RBFOX1: variants seen among roughly 807,000 people sequenced by gnomAD.
RBFOX1 encodes the protein RNA binding fox-1 homolog 1.
Under a neutral mutation model 57.7 loss-of-function variants are expected in RBFOX1, and 8 were observed. That is an observed-to-expected ratio of 0.14 (90% CI 0.08 to 0.25). The LOEUF (loss-of-function observed/expected upper bound fraction) is 0.25. Among genes scored for constraint, RBFOX1 ranks in the 10% least tolerant of loss-of-function variants. The pLI is 1.00. For synonymous variants in RBFOX1, 326 were observed against 222.4 expected (o/e 1.47, Z -4.15); for missense variants, 611 against 548.5 (o/e 1.11, Z -1.14).
rs543566270 is a variant in RBFOX1 at position 6,554,556 on chromosome 16, C to G, written c.-63-100047C>G. Among the ~76,000 whole-genome samples the G allele has an allele frequency of 6.6e-5, 10 of 152,282 alleles. No individual in the cohort carries two copies. In the South Asian group the frequency reaches 8.3e-4, roughly 13 times the overall value. On this transcript the variant is annotated intron_variant, in intron 2 of 15. Coordinates refer to ENST00000550418, the MANE Select transcript of RBFOX1 (RefSeq NM_018723.4). The stretch of plus-strand genomic sequence containing the variant: ...GTTTATGAACTCTATCTCAATAAAA[C>G]TGGTTTTCTAAACAAGAAAACAAAA...
intron 12 of RBFOX1, among the ~76,000 whole-genome samples, chr16:7,663,054 C>T (rs766966901): frequency 6.6e-6 from 1 of 152,194 alleles, no homozygotes; most frequent in Non-Finnish European, 1.5e-5. Flanking sequence ...GGCATGGCAG[C>T]ATGAAAGAAT....
At chr16:7,227,785 A>C (rs189350854) in intron 4 of RBFOX1, among the ~76,000 whole-genome samples, 1 of 152,188 alleles carries the variant, frequency 6.6e-6, no homozygotes, top group Non-Finnish European at 1.5e-5. Context: ...TGGCAGACAC[A>C]GGAAACTCCT....
At chr16:5,820,287 G>A (rs917770331) in intron 3 of RBFOX1, among the ~76,000 whole-genome samples, 6 of 152,020 alleles carry the variant, frequency 3.9e-5, no homozygotes, top group African/African-American at 1.5e-4. Flanking sequence ...CTTTGTCTTC[G>A]GCACATCACG....
At chr16:7,311,964 A>G (rs2096321112) in intron 4 of RBFOX1, among the ~76,000 whole-genome samples, 1 of 152,222 alleles carries the variant, frequency 6.6e-6, no homozygotes, top group African/African-American at 2.4e-5. Context: ...TTGCTCCTTC[A>G]GAAAAACAGG....
intron 3 of RBFOX1, among the ~76,000 whole-genome samples, chr16:5,826,590 G>A (rs1322703218): frequency 2.0e-5 from 3 of 152,186 alleles, no homozygotes; most frequent in Non-Finnish European, 2.9e-5. Flanking sequence ...ATTTACAAAA[G>A]CAAGAGCTGG....
At chr16:7,707,947 A>AAGAT (rs2083028991) in intron 14 of RBFOX1, among the ~76,000 whole-genome samples, 1 of 152,174 alleles carries the variant, frequency 6.6e-6, no homozygotes, top group Non-Finnish European at 1.5e-5. Flanking sequence ...AGTCAGTATT[A>AAGAT]AGATAGCAGC....
At chr16:6,737,200 A>G (rs2070633513) in intron 3 of RBFOX1, among the ~76,000 whole-genome samples, 1 of 152,222 alleles carries the variant, frequency 6.6e-6, no homozygotes, top group African/African-American at 2.4e-5. Flanking sequence ...CTATAGGTCA[A>G]GCAAAAAATA....
At chr16:6,649,301 C>G (rs1052429476) in intron 2 of RBFOX1, among the ~76,000 whole-genome samples, 1 of 152,182 alleles carries the variant, frequency 6.6e-6, no homozygotes, top group Non-Finnish European at 1.5e-5. Flanking sequence ...AAATGGTATT[C>G]TGTTGTGTAT....
intron 1 of RBFOX1, among the ~76,000 whole-genome samples, chr16:6,270,692 A>T (rs1383619928): frequency 6.6e-6 from 1 of 150,588 alleles, no homozygotes; most frequent in Non-Finnish European, 1.5e-5. Context: ...AATCAGAAGG[A>T]TAAAGAACAA....
At chr16:7,041,458 C>T (rs143549644) in intron 3 of RBFOX1, among the ~76,000 whole-genome samples, 9 of 152,234 alleles carry the variant, frequency 5.9e-5, no homozygotes, top group African/African-American at 2.2e-4. Context: ...TACTTGTGGA[C>T]ATTGGCATTC....
intron 2 of RBFOX1, among the ~76,000 whole-genome samples, chr16:5,524,424 G>T (rs2044152568): frequency 1.3e-5 from 2 of 152,180 alleles, no homozygotes; most frequent in African/African-American, 2.4e-5. Flanking sequence ...GTCTGAATTT[G>T]TGAGTAGTGC....
At chr16:7,473,961 C>T (rs117322036) in intron 4 of RBFOX1, among the ~76,000 whole-genome samples, 140 of 152,220 alleles carry the variant, frequency 9.2e-4, no homozygotes, top group African/African-American at 2.2e-3. Flanking sequence ...GCAATCGAGA[C>T]GTTATTTAAA....
intron 3 of RBFOX1, among the ~76,000 whole-genome samples, chr16:6,799,496 A>AT (rs1285790544): frequency 1.3e-5 from 2 of 152,064 alleles, no homozygotes; most frequent in African/African-American, 2.4e-5. Flanking sequence ...ACTTGATTGG[A>AT]TTGAAGGATG....
chr16:5,498,311 A>G lies in RBFOX1; in HGVS notation c.258+31057A>G, dbSNP rs560858335. On this transcript the variant is annotated intron_variant, in intron 2 of 2. Transcript: ENST00000585867. The stretch of plus-strand genomic sequence containing the variant: ...GCATGCACTACCACGCCCAGCTAAT[A>G]TTTTGTATTTTTAGTAGAGACAGGG... Among the ~76,000 whole-genome samples the G allele has an allele frequency of 1.3e-3, 190 of 151,882 alleles. 1 individual carries two copies. The highest frequency in any genetic ancestry group is 4.0e-3 in the African/African-American group (167 of 41,426).
At chr16:5,470,581 T>C (rs1404005373) in intron 2 of RBFOX1, among the ~76,000 whole-genome samples, 1 of 152,122 alleles carries the variant, frequency 6.6e-6, no homozygotes, top group Admixed American at 6.5e-5. Flanking sequence ...TCAGTGGGCG[T>C]CACCCGTGAG....
intron 2 of RBFOX1, among the ~76,000 whole-genome samples, chr16:6,444,925 C>T (rs2094455237): frequency 6.6e-6 from 1 of 151,988 alleles, no homozygotes. Context: ...TCTATGGGTT[C>T]CTCTGAAGGC....
At chr16:5,551,862 C>T (rs1426694454) in intron 2 of RBFOX1, among the ~76,000 whole-genome samples, 3 of 147,306 alleles carry the variant, frequency 2.0e-5, no homozygotes, top group African/African-American at 7.4e-5. Flanking sequence ...CGTTGTTCAA[C>T]TCCCACTTAT....
intron 4 of RBFOX1, among the ~76,000 whole-genome samples, chr16:7,167,552 C>T (rs2079823565): frequency 6.6e-6 from 1 of 152,022 alleles, no homozygotes; most frequent in Non-Finnish European, 1.5e-5. Flanking sequence ...GGAGTGCGAC[C>T]CCGCCAGTAC....
At chr16:6,657,947 C>G (rs909670780) in intron 3 of RBFOX1, among the ~76,000 whole-genome samples, 1 of 152,098 alleles carries the variant, frequency 6.6e-6, no homozygotes, top group Non-Finnish European at 1.5e-5. Context: ...TTCACCTCCC[C>G]TGGCTTTCTG....
Sources: allele counts gnomAD v4.1 joint callset (sites outside exome capture counted in the v4.1 genomes callset), GRCh38; gene constraint gnomAD v4.1.1; transcripts MANE v1.5; gene names NCBI Gene and HGNC (gene_info 2026-07-23, HGNC 2026-07-21).